The following DSCAML1 variants were observed in gnomAD, a reference collection of about 807,000 sequenced individuals.
DSCAML1 encodes DS cell adhesion molecule like 1.
DSCAML1 carries 38 observed loss-of-function variants against 200.5 expected under a neutral mutation model. That is an observed-to-expected ratio of 0.19 (90% CI 0.15 to 0.25). The LOEUF (loss-of-function observed/expected upper bound fraction) is 0.25. Among genes scored for constraint, DSCAML1 ranks in the 10% least tolerant of loss-of-function variants. The pLI is 1.00. For missense variants in DSCAML1, 2,223 were observed against 2,858.8 expected, an observed-to-expected ratio of 0.78 and a Z score of 5.07; for synonymous variants, 1,215 against 1,165.0, an observed-to-expected ratio of 1.04 and a Z score of -0.87.
rs542702890 is a variant in DSCAML1, at chr11:117,788,429, C to T, written c.47-7619G>A. ...GCAACCTCCACCTCCCAGGTTTGAG[C>T]GATTCTCCTGCCTCAGTCTCCTGAG... On this transcript the variant is annotated intron_variant, in intron 1 of 32. Coordinates refer to ENST00000651296, the MANE Select transcript of DSCAML1 (RefSeq NM_020693.4). 2.4e-3 allele frequency among the ~76,000 whole-genome samples: 364 copies of T among 152,276 alleles called. 2 individuals carry two copies. Among genetic ancestry groups the T allele is most frequent in the African/African-American group, 8.2e-3 (339 of 41,544 alleles).
At chr11:117,655,219 G>A (rs1040786019) in intron 3 of DSCAML1, among the ~76,000 whole-genome samples, 2 of 152,256 alleles carry the variant, frequency 1.3e-5, no homozygotes, top group Non-Finnish European at 2.9e-5. Flanking sequence ...GGGTCTGGGT[G>A]TGCCCCAGTT....
intron 1 of DSCAML1, among the ~76,000 whole-genome samples, chr11:117,796,252 C>T (rs896923922): frequency 6.6e-6 from 1 of 152,262 alleles, no homozygotes; most frequent in Non-Finnish European, 1.5e-5. Flanking sequence ...CCCCCTCTCT[C>T]CGGGAAGAGG....
In DSCAML1 at chr11:117,463,701, C is replaced by T. The variant is rs889393980; in HGVS notation, c.3265+1241G>A. ...ATGGGCTGAGGGCTTGGTTGTGGTG[C>T]GGCTCTCCTCCCTCCCCCTGGACTT... is the stretch of plus-strand genomic sequence containing the variant. On this transcript the variant is annotated intron_variant, in intron 17 of 32. Coordinates refer to ENST00000651296, the MANE Select transcript of DSCAML1 (RefSeq NM_020693.4). The surrounding 1 kb of genome is among the most constrained non-coding windows in gnomAD (Gnocchi z 4.0). Among the ~76,000 whole-genome samples the T allele has an allele frequency of 1.3e-5, 2 of 152,126 alleles. No individual in the cohort carries two copies. Among genetic ancestry groups the T allele is most frequent in the African/African-American group, 2.4e-5 (1 of 41,422 alleles).
chr11:117,806,990 C>T (rs943312117), intron 1 of DSCAML1, among the ~76,000 whole-genome samples: 6 of 152,204 alleles, frequency 3.9e-5, no homozygotes, highest in Non-Finnish European at 5.9e-5. Context: ...TTGTGTGCAT[C>T]TCTCAAGGAT....
chr11:117,458,839 G>T lies in DSCAML1; in HGVS notation c.3483C>A (p.Thr1161=). The T allele has an allele frequency of 6.2e-7, 1 of 1,614,062 alleles. No individual in the cohort carries two copies. Among genetic ancestry groups the T allele is most frequent in the South Asian group, 1.1e-5 (1 of 91,086 alleles). Residue 1161 remains threonine (T), a synonymous_variant, in exon 19 of 33, where the codon ACC becomes ACA. Transcript: ENST00000651296. ...RVELRGMEKF[T]NYSVQVLAYT... ...AGGCCAGCACCTGGACGCTGTAGTTGGTGAACTTCTCCATGCCCCGCAGCT... is the reference window on the plus strand; with the variant it reads ...AGGCCAGCACCTGGACGCTGTAGTTTGTGAACTTCTCCATGCCCCGCAGCT...
intron 3 of DSCAML1, among the ~76,000 whole-genome samples, chr11:117,639,490 G>GGGAGGCTGGATGGGTA (rs1285369718): frequency 4.0e-5 from 6 of 151,780 alleles, no homozygotes; most frequent in Non-Finnish European, 8.8e-5. Flanking sequence ...CTGGATGGGT[G>GGGAGGCTGGATGGGTA]GGAGGCTGGA....
chr11:117,479,211 A>G (rs1036539660), intron 14 of DSCAML1, among the ~76,000 whole-genome samples: 8 of 152,242 alleles, frequency 5.3e-5, no homozygotes, highest in Non-Finnish European at 7.3e-5. Flanking sequence ...CTGCCGTGCT[A>G]AGTGGGAGAA....
At chr11:117,547,765 T>C (rs1181067686) in intron 3 of DSCAML1, among the ~76,000 whole-genome samples, 1 of 152,174 alleles carries the variant, frequency 6.6e-6, no homozygotes, top group Non-Finnish European at 1.5e-5. Context: ...GAAATAGACA[T>C]CTGATCATGC....
intron 1 of DSCAML1, among the ~76,000 whole-genome samples, chr11:117,781,154 G>A (rs370844492): frequency 1.3e-5 from 2 of 152,014 alleles, no homozygotes; most frequent in Non-Finnish European, 2.9e-5. Context: ...AAAATTAGCC[G>A]TGCACACGCG....
chr11:117,797,294 C>T (rs913257223), upstream of DSCAML1: 6 of 1,323,688 alleles, frequency 4.5e-6, no homozygotes, highest in Non-Finnish European at 5.8e-6. Flanking sequence ...CTCTCCCCGC[C>T]CCCCCGCGGC....
At position 117,433,424 on chromosome 11, in the gene DSCAML1, A is replaced by G; in HGVS notation, c.4907+17T>C. On this transcript the variant is annotated intron_variant, in intron 28 of 32. Coordinates refer to ENST00000651296, the MANE Select transcript of DSCAML1 (RefSeq NM_020693.4). ...GGGGAGAAGGGAGGAGAAAGGAAGC[A>G]GCTTGGTGATACCCACCTTATCAAC... 6.2e-7 allele frequency: 1 copy of G among 1,613,356 alleles called. No individual in the cohort carries two copies. Among genetic ancestry groups the G allele is most frequent in the East Asian group, 2.2e-5 (1 of 44,884 alleles).
chr11:117,666,848 G>A (rs991646247), intron 3 of DSCAML1, among the ~76,000 whole-genome samples: 2 of 152,260 alleles, frequency 1.3e-5, no homozygotes, highest in African/African-American at 4.8e-5. Flanking sequence ...ATGAAATGCA[G>A]TGATGGATCT....
intron 3 of DSCAML1, among the ~76,000 whole-genome samples, chr11:117,692,497 A>G (rs11603672): frequency 0.25 from 38,638 of 152,006 alleles, 6,656 homozygotes; most frequent in African/African-American, 0.49. Flanking sequence ...GATGTTGGTC[A>G]GGATTTTAAA....
At chr11:117,477,198 G>GACACACAGACACACACACAC (rs2048809975) in intron 14 of DSCAML1, among the ~76,000 whole-genome samples, 1 of 144,578 alleles carries the variant, frequency 6.9e-6, no homozygotes, top group Non-Finnish European at 1.5e-5. Context: ...GCTGTCCTTA[G>GACACACAGACACACACACAC]ACACACACAC....
At chr11:117,761,863 C>G (rs1318597751) in intron 3 of DSCAML1, among the ~76,000 whole-genome samples, 1 of 152,142 alleles carries the variant, frequency 6.6e-6, no homozygotes, top group African/African-American at 2.4e-5. Flanking sequence ...GGAGCCAGAC[C>G]TTGTCTATAA....
At chr11:117,572,864 G>A (rs1192697612) in intron 3 of DSCAML1, among the ~76,000 whole-genome samples, 2 of 152,184 alleles carry the variant, frequency 1.3e-5, no homozygotes, top group African/African-American at 4.8e-5. Context: ...AGGCCAGAGA[G>A]CCCTGCTCTC....
intron 3 of DSCAML1, among the ~76,000 whole-genome samples, chr11:117,628,362 G>A (rs1165966339): frequency 1.3e-5 from 2 of 152,220 alleles, no homozygotes; most frequent in Non-Finnish European, 2.9e-5. Context: ...CTGAGCTGAG[G>A]AGGGAATAGC....
At chr11:117,602,293 G>A (rs774923246) in intron 3 of DSCAML1, among the ~76,000 whole-genome samples, 10 of 152,326 alleles carry the variant, frequency 6.6e-5, no homozygotes, top group Admixed American at 2.0e-4. Context: ...TGGAGTGGCC[G>A]GTTGTCTTGG....
chr11:117,514,953 G>A (rs2049727668), intron 8 of DSCAML1, among the ~76,000 whole-genome samples: 1 of 152,260 alleles, frequency 6.6e-6, no homozygotes, highest in African/African-American at 2.4e-5. Context: ...CCTTAGCTGA[G>A]TGGGCAGCTG....
Sources: allele counts gnomAD v4.1 joint callset (sites outside exome capture counted in the v4.1 genomes callset), GRCh38; gene constraint gnomAD v4.1.1; non-coding constraint Gnocchi (gnomAD v3.1); transcripts MANE v1.5; gene names NCBI Gene and HGNC (gene_info 2026-07-23, HGNC 2026-07-21).